The following ADAMTS3 variants were observed in gnomAD, a reference collection of about 807,000 sequenced individuals.
The protein encoded by ADAMTS3 is A disintegrin and metalloproteinase with thrombospondin motifs 3.
ADAMTS3 carries 73 observed loss-of-function variants against 129.0 expected under a neutral mutation model. That is an observed-to-expected ratio of 0.57 (90% CI 0.47 to 0.69). ADAMTS3 has a LOEUF of 0.69. Among genes scored for constraint, ADAMTS3 ranks in the 30% least tolerant of loss-of-function variants. The pLI is 0.00. For synonymous variants in ADAMTS3, 477 were observed against 510.8 expected, an observed-to-expected ratio of 0.93 and a Z score of 0.89; for missense variants, 1,457 against 1,514.5, an observed-to-expected ratio of 0.96 and a Z score of 0.63.
chr4:72,450,228 C>T (rs1718358517), intron 3 of ADAMTS3, among the ~76,000 whole-genome samples: 1 of 151,712 alleles, frequency 6.6e-6, no homozygotes, highest in South Asian at 2.1e-4. Context: ...GATAGAACAC[C>T]TTTCCTCATA....
chr4:72,418,345 A>T (rs940543546), intron 3 of ADAMTS3, among the ~76,000 whole-genome samples: 16 of 152,108 alleles, frequency 1.1e-4, no homozygotes. Flanking sequence ...TATCATATTA[A>T]ATTTGGACAA....
At chr4:72,441,121 G>T (rs1560516569) in intron 3 of ADAMTS3, among the ~76,000 whole-genome samples, 3 of 151,654 alleles carry the variant, frequency 2.0e-5, no homozygotes, top group Admixed American at 1.3e-4. Context: ...ATCATAGATT[G>T]TTTTTTCTGT....
intron 17 of ADAMTS3, among the ~76,000 whole-genome samples, chr4:72,298,757 A>G (rs1718874351): frequency 6.6e-6 from 1 of 151,728 alleles, no homozygotes; most frequent in Non-Finnish European, 1.5e-5. Context: ...CTCCTTTTTA[A>G]AGGATTTTAA....
intron 4 of ADAMTS3, among the ~76,000 whole-genome samples, chr4:72,344,327 C>T (rs1645089296): frequency 6.6e-6 from 1 of 151,876 alleles, no homozygotes; most frequent in Non-Finnish European, 1.5e-5. Context: ...TGCTCCCTAC[C>T]CCAGAAAAAA....
intron 3 of ADAMTS3, among the ~76,000 whole-genome samples, chr4:72,444,714 T>C (rs1470340102): frequency 6.6e-6 from 1 of 151,724 alleles, no homozygotes; most frequent in Non-Finnish European, 1.5e-5. Flanking sequence ...TTGCAAGTTA[T>C]AAGGAAAACT....
intron 3 of ADAMTS3, among the ~76,000 whole-genome samples, chr4:72,524,251 G>A (rs530803161): frequency 1.3e-5 from 2 of 152,212 alleles, no homozygotes; most frequent in Admixed American, 6.5e-5. Flanking sequence ...AAGACAGGTA[G>A]GAGAAAGGTA....
At chr4:72,449,371 T>C (rs1180721231) in intron 3 of ADAMTS3, among the ~76,000 whole-genome samples, 1 of 151,694 alleles carries the variant, frequency 6.6e-6, no homozygotes, top group Non-Finnish European at 1.5e-5. Context: ...GTGGTCCCCA[T>C]CTCAGGAAAT....
rs115036875 is a variant in ADAMTS3 at position 72,453,470 on chromosome 4, T to C, written c.505-38499A>G. Among the ~76,000 whole-genome samples, 1,104 of 151,916 alleles carry C rather than the reference T, an allele frequency of 7.3e-3. 12 individuals are homozygous for C. Among genetic ancestry groups the C allele is most frequent in the South Asian group, 0.011 (54 of 4,826 alleles). ...AACAATCCAGCAAGTCAGTACTATG[T>C]GTTATCCCTGTTAGACAGATGAGGA... On this transcript the variant is annotated intron_variant, in intron 3 of 21. Coordinates refer to ENST00000286657, the MANE Select transcript of ADAMTS3 (RefSeq NM_014243.3).
Position 72,472,891 on chromosome 4 carries a change from C to T in ADAMTS3, c.505-57920G>A, listed in dbSNP as rs114147077. 2.1e-3 allele frequency among the ~76,000 whole-genome samples: 326 copies of T among 152,156 alleles called. 1 individual carries two copies. Among genetic ancestry groups the T allele is most frequent in the African/African-American group, 7.4e-3 (308 of 41,528 alleles). ...ACAAGTCAATCTGAGGTGCCTCAAA[C>T]GTAACTGTAATATTTGATGACCATG... On this transcript the variant is annotated intron_variant, in intron 3 of 21. Transcript: ENST00000286657.
At chr4:72,342,248 C>A (rs1720156378) in intron 4 of ADAMTS3, among the ~76,000 whole-genome samples, 1 of 152,032 alleles carries the variant, frequency 6.6e-6, no homozygotes, top group South Asian at 2.1e-4. Flanking sequence ...TAATGAAAGG[C>A]CACTAGGTTA....
intron 5 of ADAMTS3, among the ~76,000 whole-genome samples, chr4:72,332,128 G>A (rs1719867645): frequency 6.6e-6 from 1 of 152,132 alleles, no homozygotes; most frequent in Non-Finnish European, 1.5e-5. Context: ...TATAGATAAT[G>A]ACTCAAAACA....
In ADAMTS3 at chr4:72,419,600, C is replaced by T. The variant is rs148614057; in HGVS notation, c.505-4629G>A. ...CACAAATTCGTAAACTTTCTTAAAA[C>T]GTTATGAGATTTTTTGTGATTATTT... On this transcript the variant is annotated intron_variant, in intron 3 of 21. Coordinates refer to ENST00000286657, the MANE Select transcript of ADAMTS3 (RefSeq NM_014243.3). Among the ~76,000 whole-genome samples the T allele has an allele frequency of 1.4e-4, 21 of 152,216 alleles. No homozygotes were observed. In the East Asian group the frequency reaches 2.9e-3, roughly 21 times the overall value.
At chr4:72,286,368 T>G (rs1461969974) in intron 21 of ADAMTS3, among the ~76,000 whole-genome samples, 1 of 152,264 alleles carries the variant, frequency 6.6e-6, no homozygotes, top group Admixed American at 6.5e-5. Flanking sequence ...CTCTTACATA[T>G]GTCAATACTT....
At chr4:72,525,287 C>T (rs1463492262) in intron 3 of ADAMTS3, among the ~76,000 whole-genome samples, 1 of 152,170 alleles carries the variant, frequency 6.6e-6, no homozygotes, top group African/African-American at 2.4e-5. Flanking sequence ...AAGTGCTCCA[C>T]CACACTGATA....
In ADAMTS3 at chr4:72,455,948, C is replaced by CAGTATATATACTATATATATTTTACATAT. The variant is rs1560522187; in HGVS notation, c.505-41006_505-40978dup. On this transcript the variant is annotated intron_variant, in intron 3 of 21. Transcript: ENST00000286657. The stretch of plus-strand genomic sequence containing the variant: ...ATATATTTTATATATAGTATATATA[C>CAGTATATATACTATATATATTTTACATAT]AGTATATATACTATATATATTTTAC... 2.3e-4 allele frequency among the ~76,000 whole-genome samples: 17 copies of CAGTATATATACTATATATATTTTACATAT among 73,872 alleles called. 1 individual carries two copies. Among genetic ancestry groups the CAGTATATATACTATATATATTTTACATAT allele is most frequent in the African/African-American group, 7.5e-4 (12 of 16,054 alleles). 48.5% of individuals were successfully genotyped at this position (73,872 alleles called of 152,430 possible).
In ADAMTS3 at chr4:72,487,124, T is replaced by C. The variant is rs1418502850; in HGVS notation, c.504+61354A>G. Among the ~76,000 whole-genome samples, 10 of 152,118 alleles carry C rather than the reference T, an allele frequency of 6.6e-5. No individual in the cohort carries two copies. The East Asian group carries it at 1.9e-3, about 29-fold the overall frequency. ...GTGACCACTGTATGCCAAAGGTTGT[T>C]GTAGAAGATTTACATTCTCTATAAA... On this transcript the variant is annotated intron_variant, in intron 3 of 21. Coordinates refer to ENST00000286657, the MANE Select transcript of ADAMTS3 (RefSeq NM_014243.3).
At chr4:72,423,832 A>T (rs974195014) in intron 3 of ADAMTS3, among the ~76,000 whole-genome samples, 2 of 152,108 alleles carry the variant, frequency 1.3e-5, no homozygotes, top group African/African-American at 4.8e-5. Flanking sequence ...CTACTTAAAT[A>T]AAAGAAACTC....
chr4:72,553,312 A>G (rs916265824), intron 2 of ADAMTS3, among the ~76,000 whole-genome samples: 1 of 152,146 alleles, frequency 6.6e-6, no homozygotes, highest in Non-Finnish European at 1.5e-5. Flanking sequence ...GGATCTAATC[A>G]TTAAAACAGA....
chr4:72,412,463 G>A lies in ADAMTS3; in HGVS notation c.661+2352C>T, dbSNP rs534704365. 9.2e-5 allele frequency among the ~76,000 whole-genome samples: 14 copies of A among 151,944 alleles called. No individual in the cohort carries two copies. The South Asian group carries it at 2.5e-3, about 27-fold the overall frequency. ...GGTATTTGATCTATGAGAAGACTTG[G>A]CTCTCCATCTTGCTACCAAGAAGTT... On this transcript the variant is annotated intron_variant, in intron 4 of 21. Coordinates refer to ENST00000286657, the MANE Select transcript of ADAMTS3 (RefSeq NM_014243.3).
Sources: allele counts gnomAD v4.1 joint callset (sites outside exome capture counted in the v4.1 genomes callset), GRCh38; gene constraint gnomAD v4.1.1; transcripts MANE v1.5; gene names NCBI Gene and HGNC (gene_info 2026-07-23, HGNC 2026-07-21).